STXBP5: variants seen among roughly 807,000 people sequenced by gnomAD.
The protein encoded by STXBP5 is syntaxin binding protein 5.
In STXBP5, 50 loss-of-function variants were observed where a neutral mutation model predicts 152.4. The observed-to-expected ratio is 0.33, with a 90% CI of 0.26 to 0.42. The LOEUF (loss-of-function observed/expected upper bound fraction) is 0.42, where lower values mean the gene tolerates loss of function less well. STXBP5 is among the 10% of genes least tolerant of loss of function. The pLI is 1.00. For missense variants in STXBP5, 1,167 were observed against 1,388.6 expected (o/e 0.84, Z 2.54); for synonymous variants, 492 against 494.7 (o/e 0.99, Z 0.07).
intron 21 of STXBP5, among the ~76,000 whole-genome samples, chr6:147,348,270 A>T (rs1169672348): frequency 1.3e-5 from 2 of 152,118 alleles, no homozygotes; most frequent in Non-Finnish European, 2.9e-5. Flanking sequence ...AAGCATTTAG[A>T]TAGATGCCTC....
rs1786462676 is a variant in STXBP5, at chr6:147,388,890, A to G, written c.*4135A>G. The stretch of plus-strand genomic sequence containing the variant: ...AAAATAAATTTCCAAAAATGAAAAC[A>G]GAGTTTATGTATTTTTGTCAATGAA... On this transcript the variant is annotated 3_prime_UTR_variant, in exon 28 of 28. Coordinates refer to ENST00000321680, the MANE Select transcript of STXBP5 (RefSeq NM_001127715.4). 6.6e-6 allele frequency: 1 copy of G among 151,356 alleles called. No homozygotes were observed. Among genetic ancestry groups the G allele is most frequent in the Non-Finnish European group, 1.5e-5 (1 of 67,550 alleles). The allele number at this position is 151,356 out of a possible 1,614,324, so 9.4% of individuals were successfully genotyped here. A position where few individuals can be genotyped will look rare whatever the true frequency, so the allele number is the denominator to read the frequency against.
intron 7 of STXBP5, among the ~76,000 whole-genome samples, chr6:147,271,948 A>C (rs1232270730): frequency 6.6e-6 from 1 of 152,140 alleles, no homozygotes; most frequent in Non-Finnish European, 1.5e-5. Flanking sequence ...TCCAGTTTCT[A>C]CAGAAATACA....
At chr6:147,365,579 G>C (rs1416648346) in intron 25 of STXBP5, among the ~76,000 whole-genome samples, 1 of 152,072 alleles carries the variant, frequency 6.6e-6, no homozygotes, top group Admixed American at 6.6e-5. Flanking sequence ...TCTTTTAGTA[G>C]TAAACTATAT....
At chr6:147,360,437 G>A (rs2128412197) in intron 23 of STXBP5, among the ~76,000 whole-genome samples, 1 of 152,256 alleles carries the variant, frequency 6.6e-6, no homozygotes, top group African/African-American at 2.4e-5. Flanking sequence ...CATAGAGCAA[G>A]ATTTCAGGAT....
intron 2 of STXBP5, among the ~76,000 whole-genome samples, chr6:147,229,735 T>C (rs1032703494): frequency 1.3e-5 from 2 of 152,050 alleles, no homozygotes; most frequent in African/African-American, 2.4e-5. Flanking sequence ...TGCTGAACTT[T>C]TTTATTCATT....
At chr6:147,260,421 T>G (rs1444997357) in intron 4 of STXBP5, among the ~76,000 whole-genome samples, 194 bp from the exon 5 acceptor site, 1 of 152,202 alleles carries the variant, frequency 6.6e-6, no homozygotes, top group Non-Finnish European at 1.5e-5. Flanking sequence ...GCTATCTATT[T>G]GCTGTAAGGC....
intron 2 of STXBP5, among the ~76,000 whole-genome samples, chr6:147,234,307 T>A (rs1778161243): frequency 6.6e-6 from 1 of 151,918 alleles, no homozygotes; most frequent in African/African-American, 2.4e-5. Context: ...TTCAAGTTTA[T>A]GAAGGTAAAA....
intron 8 of STXBP5, among the ~76,000 whole-genome samples, chr6:147,279,838 A>G (rs1473892002): frequency 6.6e-6 from 1 of 152,188 alleles, no homozygotes; most frequent in Non-Finnish European, 1.5e-5. Context: ...AGATAAACAA[A>G]AAAGTACCAA....
chr6:147,259,975 A>G (rs1779566376), intron 4 of STXBP5, among the ~76,000 whole-genome samples: 1 of 152,186 alleles, frequency 6.6e-6, no homozygotes, highest in Non-Finnish European at 1.5e-5. Context: ...TCATCAGAAC[A>G]TAGGAAGAAA....
In STXBP5 at chr6:147,362,121, T is replaced by TTGTTTATC. The variant is rs578243251; in HGVS notation, c.2546-1211_2546-1204dup. Among the ~76,000 whole-genome samples, 20 of 152,278 alleles carry TTGTTTATC rather than the reference T, an allele frequency of 1.3e-4. No individual in the cohort carries two copies. The East Asian group carries it at 3.7e-3, about 28-fold the overall frequency. On this transcript the variant is annotated intron_variant, in intron 23 of 27. Transcript: ENST00000321680. ...ACATACTTATACTAAAAAGTATTCA[T>TTGTTTATC]TGTTTATCTGAAATTCAAATTGAAA...
intron 9 of STXBP5, among the ~76,000 whole-genome samples, chr6:147,309,558 A>G (rs1003752580): frequency 6.6e-6 from 1 of 152,164 alleles, no homozygotes; most frequent in South Asian, 2.1e-4. Flanking sequence ...TATGGGAGCT[A>G]TGGTTTGAGA....
chr6:147,316,890 T>A (rs186652988), intron 16 of STXBP5, among the ~76,000 whole-genome samples: 332 of 152,330 alleles, frequency 2.2e-3, no homozygotes, highest in African/African-American at 7.4e-3. Flanking sequence ...TATATCTTGC[T>A]TTTATACAGA....
chr6:147,224,039 G>A (rs1283304183), intron 2 of STXBP5, among the ~76,000 whole-genome samples: 1 of 152,214 alleles, frequency 6.6e-6, no homozygotes, highest in African/African-American at 2.4e-5. Context: ...GAGTTATGGT[G>A]TTTTTCCTTC....
Position 147,352,498 on chromosome 6 carries a change from C to T in STXBP5, c.2255-825C>T, listed in dbSNP as rs1175651830. ...TGGTGGCTTGCACGTGTAATCCCAA[C>T]TACTCAGGAGGCTGAGGCGGGAGAA... On this transcript the variant is annotated intron_variant, in intron 21 of 27. Transcript: ENST00000321680. Among the ~76,000 whole-genome samples, 3 of 152,174 alleles carry T rather than the reference C, an allele frequency of 2.0e-5. No individual in the cohort carries two copies. In the East Asian group the frequency reaches 5.8e-4, roughly 29 times the overall value.
At chr6:147,251,947 T>C (rs1427011337) in intron 4 of STXBP5, among the ~76,000 whole-genome samples, 1 of 152,132 alleles carries the variant, frequency 6.6e-6, no homozygotes, top group African/African-American at 2.4e-5. Flanking sequence ...GCAAACAGGG[T>C]CTGGAGTGGA....
At chr6:147,313,759 T>C in intron 11 of STXBP5, 125 bp from the exon 12 acceptor site, 1 of 636,278 alleles carries the variant, frequency 1.6e-6, no homozygotes, top group East Asian at 3.1e-5. Context: ...TAAATATATT[T>C]ACAAAAATTA....
At chr6:147,363,956 T>C (rs777637086) in intron 24 of STXBP5, 45 bp from the exon 25 acceptor site, 2 of 1,591,156 alleles carry the variant, frequency 1.3e-6, no homozygotes, top group African/African-American at 2.7e-5. Flanking sequence ...TGTTCAAGAC[T>C]AAAACCTACC....
chr6:147,344,478 G>A (rs1784229396), intron 21 of STXBP5, among the ~76,000 whole-genome samples: 2 of 152,176 alleles, frequency 1.3e-5, no homozygotes, highest in African/African-American at 2.4e-5. Context: ...CAGACTGGGA[G>A]GCTTAAACAA....
At chr6:147,256,902 A>G (rs1275238240) in intron 4 of STXBP5, among the ~76,000 whole-genome samples, 2 of 152,166 alleles carry the variant, frequency 1.3e-5, no homozygotes. Flanking sequence ...TAATTTCAAC[A>G]TTACTTAGGA....
Sources: gnomAD v4.1 joint callset for allele counts (sites outside exome capture counted in the v4.1 genomes callset) on GRCh38, gnomAD v4.1.1 for gene constraint, MANE v1.5 for transcripts, NCBI Gene and HGNC (gene_info 2026-07-23, HGNC 2026-07-21) for gene names.